The following SAMD12 variants were observed in gnomAD, a reference collection of about 807,000 sequenced individuals.
SAMD12 encodes sterile alpha motif domain containing 12.
SAMD12 carries 9 observed loss-of-function variants against 15.0 expected under a neutral mutation model. The ratio of observed to expected loss-of-function variants is 0.60; its 90% CI spans 0.36 to 1.05. The LOEUF is 1.05. Among genes scored for constraint, SAMD12 ranks in the 50% least tolerant of loss-of-function variants. SAMD12 has a pLI of 0.01. For synonymous variants in SAMD12, 86 were observed against 90.1 expected (o/e 0.96, Z 0.25); for missense variants, 230 against 234.2 (o/e 0.98, Z 0.12).
chr8:118,383,976 T>C (rs1342325470), intron 3 of SAMD12, among the ~76,000 whole-genome samples: 1 of 151,774 alleles, frequency 6.6e-6, no homozygotes, highest in Non-Finnish European at 1.5e-5. Flanking sequence ...TGATCCCAGA[T>C]AGTCATAAGT....
intron 4 of SAMD12, among the ~76,000 whole-genome samples, chr8:118,242,567 T>C (rs1487792089): frequency 2.6e-5 from 4 of 152,156 alleles, no homozygotes; most frequent in African/African-American, 9.6e-5. Flanking sequence ...ATTAACTTTA[T>C]TATAGGTAGG....
chr8:118,441,605 T>C (rs1390991554), intron 2 of SAMD12, among the ~76,000 whole-genome samples: 1 of 152,220 alleles, frequency 6.6e-6, no homozygotes, highest in Non-Finnish European at 1.5e-5. Flanking sequence ...TGATTTTATA[T>C]ATGTCCATAT....
chr8:118,141,543 C>T, the SAMD12 span, among the ~76,000 whole-genome samples: 465 of 152,272 alleles, frequency 3.1e-3, 2 homozygotes, highest in Middle Eastern at 0.02. Flanking sequence ...CACCAAGCTT[C>T]CTGCTAACAG....
chr8:118,209,044 T>C (rs1299950679), intron 4 of SAMD12, among the ~76,000 whole-genome samples: 3 of 152,210 alleles, frequency 2.0e-5, no homozygotes, highest in Non-Finnish European at 2.9e-5. Context: ...CCTCTTTGAA[T>C]TGGCAAAATC....
intron 1 of SAMD12, among the ~76,000 whole-genome samples, chr8:118,619,849 A>C (rs1828346727): frequency 6.6e-6 from 1 of 152,182 alleles, no homozygotes; most frequent in African/African-American, 2.4e-5. Context: ...CATTTTCCCA[A>C]AGGCTTGAAA....
At chr8:118,180,113 G>T in the SAMD12 span, among the ~76,000 whole-genome samples, 287 of 152,318 alleles carry the variant, frequency 1.9e-3, 2 homozygotes, top group African/African-American at 6.8e-3. Context: ...AGGAGGTCAG[G>T]GGGCTGAAAT....
At chr8:118,461,855 T>C (rs1459720294) in intron 2 of SAMD12, among the ~76,000 whole-genome samples, 1 of 152,226 alleles carries the variant, frequency 6.6e-6, no homozygotes, top group Non-Finnish European at 1.5e-5. Flanking sequence ...TTTTGCTTTA[T>C]TGAAGGGCAA....
intron 4 of SAMD12, among the ~76,000 whole-genome samples, chr8:118,318,314 A>ATG (rs1227245231): frequency 2.2e-4 from 2 of 9,092 alleles, no homozygotes; most frequent in African/African-American, 7.3e-4. Context: ...ATATGTGTAT[A>ATG]TATATATATA....
intron 3 of SAMD12, chr8:118,394,931 G>A (rs555611042): frequency 2.6e-5 from 4 of 152,200 alleles, no homozygotes; most frequent in African/African-American, 4.8e-5. Flanking sequence ...GCTTTACGAC[G>A]CTTAAGGGGA....
At chr8:118,290,433 C>T (rs910927871) in intron 4 of SAMD12, among the ~76,000 whole-genome samples, 13 of 152,182 alleles carry the variant, frequency 8.5e-5, no homozygotes, top group Non-Finnish European at 1.6e-4. Context: ...AGTAAGTGGG[C>T]TGGAATAAAC....
At chr8:118,253,566 A>G (rs973722093) in intron 4 of SAMD12, among the ~76,000 whole-genome samples, 6 of 152,196 alleles carry the variant, frequency 3.9e-5, no homozygotes, top group Admixed American at 6.5e-5. Flanking sequence ...TTTAGTATCA[A>G]TGCTGACAAT....
intron 4 of SAMD12, chr8:118,284,367 C>G (rs970077034): frequency 6.6e-6 from 3 of 455,710 alleles, no homozygotes; most frequent in Admixed American, 4.7e-5. Context: ...AATTTTCACA[C>G]TGAATTGGAC....
intron 2 of SAMD12, among the ~76,000 whole-genome samples, chr8:118,556,524 T>C (rs569388850): frequency 6.6e-6 from 1 of 152,326 alleles, no homozygotes; most frequent in Admixed American, 6.5e-5. Context: ...AATAAGTAAT[T>C]TTGGGGCTCC....
intron 4 of SAMD12, among the ~76,000 whole-genome samples, chr8:118,365,489 G>A (rs973570070): frequency 3.3e-5 from 5 of 152,184 alleles, no homozygotes; most frequent in African/African-American, 1.2e-4. Context: ...TCCTTGAGCT[G>A]GGGCATCCAT....
intron 4 of SAMD12, among the ~76,000 whole-genome samples, chr8:118,246,918 G>A (rs1032516191): frequency 1.3e-5 from 2 of 152,092 alleles, no homozygotes; most frequent in East Asian, 1.9e-4. Context: ...AGATAGTAAC[G>A]TGCAATGCTT....
downstream of SAMD12, among the ~76,000 whole-genome samples, chr8:118,187,187 T>A (rs962590237): frequency 6.6e-6 from 1 of 152,198 alleles, no homozygotes; most frequent in African/African-American, 2.4e-5. Flanking sequence ...ATTCTCATGA[T>A]CTAGTCCCAC....
chr8:118,390,854 AT>A (rs143252939), intron 3 of SAMD12, among the ~76,000 whole-genome samples: 2 of 151,560 alleles, frequency 1.3e-5, no homozygotes, highest in African/African-American at 2.4e-5. Context: ...CTCTATATTG[AT>A]TTTTTTTTAC....
chr8:118,410,824 TACA>T (rs1821373643), intron 3 of SAMD12, among the ~76,000 whole-genome samples: 1 of 152,226 alleles, frequency 6.6e-6, no homozygotes, highest in Non-Finnish European at 1.5e-5. Flanking sequence ...TTTTCAAGGC[TACA>T]ACATTTTGGG....
intron 1 of SAMD12, among the ~76,000 whole-genome samples, chr8:118,619,689 C>A (rs1241166197): frequency 1.3e-5 from 2 of 152,006 alleles, no homozygotes; most frequent in Non-Finnish European, 1.5e-5. Flanking sequence ...CCAAGTCTAA[C>A]CCCCAAGGGG....
Sources: allele counts gnomAD v4.1 joint callset (sites outside exome capture counted in the v4.1 genomes callset), GRCh38; gene constraint gnomAD v4.1.1; transcripts MANE v1.5; gene names NCBI Gene and HGNC (gene_info 2026-07-23, HGNC 2026-07-21).